The following CDH17 variants were observed in gnomAD, a reference collection of about 807,000 sequenced individuals.
CDH17 encodes cadherin 17.
A neutral mutation model predicts 86.3 loss-of-function variants in CDH17; 67 were observed. That is an observed-to-expected ratio of 0.78 (90% CI 0.64 to 0.95). CDH17 has a LOEUF of 0.95. Among genes scored for constraint, CDH17 ranks in the 40% least tolerant of loss-of-function variants. The pLI is 0.00. For synonymous variants in CDH17, 367 were observed against 366.4 expected (o/e 1.00, Z -0.02); for missense variants, 993 against 1,017.6 (o/e 0.98, Z 0.33).
intron 10 of CDH17, among the ~76,000 whole-genome samples, chr8:94,163,681 C>A (rs1813101621): frequency 1.3e-5 from 2 of 152,248 alleles, no homozygotes; most frequent in Admixed American, 1.3e-4. Context: ...GGGATCCTGA[C>A]TAATATTCCC....
intron 1 of CDH17, among the ~76,000 whole-genome samples, chr8:94,216,026 A>G (rs1220215343): frequency 1.3e-5 from 2 of 152,172 alleles, no homozygotes; most frequent in African/African-American, 4.8e-5. Context: ...CCCCTCTGAT[A>G]GTGTCTCAGC....
chr8:94,153,197 C>T (rs1385153086), intron 12 of CDH17, among the ~76,000 whole-genome samples: 1 of 152,080 alleles, frequency 6.6e-6, no homozygotes, highest in Non-Finnish European at 1.5e-5. Flanking sequence ...TGTTTAAAAC[C>T]TAGGCAAAGG....
chr8:94,162,001 GCTA>G, intron 11 of CDH17, 82 bp downstream of exon 11: 1 of 853,224 alleles, frequency 1.2e-6, no homozygotes, highest in Non-Finnish European at 1.9e-6. Flanking sequence ...ACTTTTCCTA[GCTA>G]CTGTCTGTGT....
rs1385948276 is a variant in CDH17, at chr8:94,184,325, T to A, written c.150+4862A>T. On this transcript the variant is annotated intron_variant, in intron 3 of 17. Coordinates refer to ENST00000027335, the MANE Select transcript of CDH17 (RefSeq NM_004063.4). ...CATTATAGCCATAAATGAAAAAAAA[T>A]GTCCATCAATTGACACATGGATATC... Among the ~76,000 whole-genome samples the A allele has an allele frequency of 4.6e-5, 7 of 152,190 alleles. No individual in the cohort carries two copies. In the East Asian group the frequency reaches 9.7e-4, roughly 21 times the overall value.
At chr8:94,141,924 C>G (rs546763176) in intron 15 of CDH17, among the ~76,000 whole-genome samples, 3 of 151,940 alleles carry the variant, frequency 2.0e-5, no homozygotes, top group African/African-American at 7.3e-5. Flanking sequence ...AGAACAAAGT[C>G]GGAAAAATTA....
chr8:94,203,188 A>G (rs1813955740), intron 1 of CDH17: 2 of 153,746 alleles, frequency 1.3e-5, no homozygotes, highest in Admixed American at 6.5e-5. Flanking sequence ...TCCCCCGTGA[A>G]AAAAGCTAAG....
intron 17 of CDH17, 77 bp from the exon 18 acceptor site, chr8:94,128,417 G>A (rs1324043877): frequency 2.2e-6 from 2 of 909,548 alleles, no homozygotes; most frequent in Non-Finnish European, 3.4e-6. Flanking sequence ...AAGTAGTATT[G>A]TGGTAGGAAA....
chr8:94,206,594 C>T (rs1364116619), intron 1 of CDH17, among the ~76,000 whole-genome samples: 6 of 150,662 alleles, frequency 4.0e-5, no homozygotes, highest in Admixed American at 2.0e-4. Flanking sequence ...GACAATGGAA[C>T]GAGAAGTAGA....
intron 15 of CDH17, among the ~76,000 whole-genome samples, chr8:94,140,445 A>C (rs1812615675): frequency 6.6e-6 from 1 of 152,100 alleles, no homozygotes; most frequent in Non-Finnish European, 1.5e-5. Context: ...AAATGCAGCT[A>C]ATGTGACACC....
At position 94,206,314 on chromosome 8, in the gene CDH17, C is replaced by A. The variant is rs545864136; in HGVS notation, c.-21+2169G>T. ...AGTAACAAATAAGTAGATAGGTATT[C>A]CCTTAAAATTCCGTGTGTCTTTCTT... On this transcript the variant is annotated intron_variant, in intron 1 of 17. Transcript: ENST00000027335. Among the ~76,000 whole-genome samples the A allele has an allele frequency of 2.6e-5, 4 of 152,312 alleles. No homozygotes were observed. In the East Asian group the frequency reaches 7.7e-4, roughly 29 times the overall value.
chr8:94,171,027 A>T, intron 7 of CDH17, 42 bp from the exon 8 acceptor site: 1 of 1,570,112 alleles, frequency 6.4e-7, no homozygotes, highest in East Asian at 2.3e-5. Flanking sequence ...CTGTATTTGG[A>T]CTGAGAGAAC....
chr8:94,211,423 T>C (rs2129674005), upstream of CDH17, among the ~76,000 whole-genome samples: 1 of 152,302 alleles, frequency 6.6e-6, no homozygotes, highest in East Asian at 1.9e-4. Context: ...GTGATTCTCC[T>C]GCCTCAGCCT....
At chr8:94,186,247 G>C (rs1018111471) in intron 3 of CDH17, among the ~76,000 whole-genome samples, 1 of 152,112 alleles carries the variant, frequency 6.6e-6, no homozygotes, top group South Asian at 2.1e-4. Flanking sequence ...ATCTTTTGCT[G>C]TACTCTCTCT....
chr8:94,147,747 A>C (rs997302325), intron 14 of CDH17, among the ~76,000 whole-genome samples: 1 of 152,248 alleles, frequency 6.6e-6, no homozygotes, highest in Non-Finnish European at 1.5e-5. Context: ...CTGGAACTCC[A>C]CAGTTGGAGC....
In CDH17 at chr8:94,140,794, A is replaced by G. The variant is rs528419752; in HGVS notation, c.2167+5134T>C. ...TACATTAGATTAATGAAATAGATGA[A>G]TTATTTGAAAGGTACAAGCTCAACC... is the stretch of plus-strand genomic sequence containing the variant. On this transcript the variant is annotated intron_variant, in intron 15 of 17. Transcript: ENST00000027335. 3.9e-5 allele frequency among the ~76,000 whole-genome samples: 6 copies of G among 152,320 alleles called. No individual in the cohort carries two copies. The South Asian group carries it at 1.2e-3, about 32-fold the overall frequency.
At chr8:94,153,914 TA>T (rs1812901913) in intron 12 of CDH17, among the ~76,000 whole-genome samples, 1 of 152,162 alleles carries the variant, frequency 6.6e-6, no homozygotes, top group Non-Finnish European at 1.5e-5. Flanking sequence ...GAGGTGCTGG[TA>T]AAAGCATGCA....
chr8:94,128,463 C>A, intron 17 of CDH17, 123 bp from the exon 18 acceptor site: 2 of 639,920 alleles, frequency 3.1e-6, no homozygotes, highest in Non-Finnish European at 2.7e-6. Context: ...TGTGATTCAA[C>A]AAAATTTCAC....
At position 94,156,082 on chromosome 8, in the gene CDH17, G is replaced by A. The variant is rs562968307; in HGVS notation, c.1551+3889C>T. Among the ~76,000 whole-genome samples, 363 of 152,246 alleles carry A rather than the reference G, an allele frequency of 2.4e-3. 2 individuals are homozygous for A. The highest frequency in any genetic ancestry group is 0.01 in the Middle Eastern group (3 of 294). ...GAGACCCGTCACTGCCTCTTGGAATGGCCTCAGTCCCATCTGGCAAGACAT... is the reference window on the plus strand; with the variant it reads ...GAGACCCGTCACTGCCTCTTGGAATAGCCTCAGTCCCATCTGGCAAGACAT... On this transcript the variant is annotated intron_variant, in intron 12 of 17. Coordinates refer to ENST00000027335, the MANE Select transcript of CDH17 (RefSeq NM_004063.4).
intron 15 of CDH17, among the ~76,000 whole-genome samples, chr8:94,133,751 G>A (rs1812465981): frequency 6.6e-6 from 1 of 152,128 alleles, no homozygotes; most frequent in African/African-American, 2.4e-5. Flanking sequence ...TCAAAGAGAA[G>A]ACTTCCAGTT....
Sources: gnomAD v4.1 joint callset for allele counts (sites outside exome capture counted in the v4.1 genomes callset) on GRCh38, gnomAD v4.1.1 for gene constraint, MANE v1.5 for transcripts, NCBI Gene and HGNC (gene_info 2026-07-23, HGNC 2026-07-21) for gene names.